TIGAR: variants seen among roughly 807,000 people sequenced by gnomAD.
TIGAR encodes the protein TP53 induced glycolysis regulatory phosphatase.
A neutral mutation model predicts 17.9 loss-of-function variants in TIGAR; 7 were observed. The observed-to-expected ratio is 0.39, with a 90% CI of 0.22 to 0.73. The LOEUF is 0.73. Among genes scored for constraint, TIGAR ranks in the 30% least tolerant of loss-of-function variants. The probability of loss-of-function intolerance (pLI) is 0.42; values close to 1 mark genes in which losing one functional copy is unlikely to be tolerated. For missense variants in TIGAR, 258 were observed against 327.4 expected (o/e 0.79, Z 1.64); for synonymous variants, 94 against 108.6 (o/e 0.87, Z 0.84).
In TIGAR at chr12:4,357,106, C is replaced by T. The variant is rs1864912780; in HGVS notation, c.*4415C>T. Among the ~76,000 whole-genome samples the T allele has an allele frequency of 1.3e-5, 2 of 152,322 alleles. No individual in the cohort carries two copies. Among genetic ancestry groups the T allele is most frequent in the South Asian group, 4.1e-4 (2 of 4,832 alleles). On this transcript the variant is annotated 3_prime_UTR_variant, in exon 6 of 6. Transcript: ENST00000179259. ...GGGAAGCACATAAAGTAAGATATCC[C>T]TGAGAGAACAGTGCATCTCACACCC...
At chr12:4,323,280 GA>G (rs1385315508) in intron 1 of TIGAR, among the ~76,000 whole-genome samples, 1 of 151,188 alleles carries the variant, frequency 6.6e-6, no homozygotes, top group African/African-American at 2.4e-5. Context: ...GTCTCAAAAA[GA>G]AAAAAAAGAA....
chr12:4,344,845 A>C (rs929531132), intron 3 of TIGAR, among the ~76,000 whole-genome samples: 1 of 152,228 alleles, frequency 6.6e-6, no homozygotes. Flanking sequence ...TGCAGATGAC[A>C]TGATTGTATA....
At chr12:4,323,013 C>T (rs190407876) in intron 1 of TIGAR, among the ~76,000 whole-genome samples, 7 of 151,912 alleles carry the variant, frequency 4.6e-5, no homozygotes, top group Non-Finnish European at 1.0e-4. Flanking sequence ...CCCCTGTAAT[C>T]CTAGCACGTT....
chr12:4,327,424 AAAAG>A (rs1397349196), intron 1 of TIGAR, among the ~76,000 whole-genome samples: 12 of 152,106 alleles, frequency 7.9e-5, no homozygotes, highest in African/African-American at 1.2e-4. Context: ...AAAAAAAAAA[AAAAG>A]AAAGAAAGGA....
intron 3 of TIGAR, among the ~76,000 whole-genome samples, chr12:4,347,951 CATAG>C (rs1250453786): frequency 6.6e-6 from 1 of 152,028 alleles, no homozygotes; most frequent in East Asian, 1.9e-4. Context: ...GCCTGGGCAA[CATAG>C]GGAGACCTTG....
intron 3 of TIGAR, among the ~76,000 whole-genome samples, chr12:4,343,582 A>C (rs957501876): frequency 1.3e-5 from 2 of 151,738 alleles, no homozygotes; most frequent in African/African-American, 4.8e-5. Context: ...AAGAAACTCA[A>C]AGCCACTCAA....
chr12:4,357,194 C>T lies in TIGAR; in HGVS notation c.*4503C>T, dbSNP rs1827149706. 6.6e-6 allele frequency among the ~76,000 whole-genome samples: 1 copy of T among 152,150 alleles called. No individual in the cohort carries two copies. The highest frequency in any genetic ancestry group is 6.5e-5 in the Admixed American group (1 of 15,282). ...TGGCCATATCACTTAAGTACATATG[C>T]TTATATTATGTATACTTGCATGCAT... On this transcript the variant is annotated 3_prime_UTR_variant, in exon 6 of 6. Coordinates refer to ENST00000179259, the MANE Select transcript of TIGAR (RefSeq NM_020375.3).
chr12:4,324,154 CATT>C (rs1175133984), intron 1 of TIGAR, among the ~76,000 whole-genome samples: 2 of 152,170 alleles, frequency 1.3e-5, no homozygotes, highest in South Asian at 2.1e-4. Flanking sequence ...AGTCTATCAT[CATT>C]GTCAGACTAT....
chr12:4,357,506 T>TA lies in TIGAR; in HGVS notation c.*4816dup, dbSNP rs1864917722. Among the ~76,000 whole-genome samples, 1 of 152,208 alleles carries TA rather than the reference T, an allele frequency of 6.6e-6. No homozygotes were observed. The highest frequency in any genetic ancestry group is 2.1e-4 in the South Asian group (1 of 4,830). ...CTTGTTTCATGTAAATGTTGCTTTT[T>TA]ACCCCTCTTTCTTTGGGCCCCATCA... On this transcript the variant is annotated 3_prime_UTR_variant, in exon 6 of 6. Coordinates refer to ENST00000179259, the MANE Select transcript of TIGAR (RefSeq NM_020375.3).
rs1864918804 is a variant in TIGAR at position 4,357,569 on chromosome 12, G to C, written c.*4878G>C. 6.6e-6 allele frequency among the ~76,000 whole-genome samples: 1 copy of C among 152,196 alleles called. No homozygotes were observed. Among genetic ancestry groups the C allele is most frequent in the South Asian group, 2.1e-4 (1 of 4,836 alleles). ...AGCTTTCAGATTGAAGTATGTGTCA[G>C]TTCCTTTGTGTCCAAACAAGATGGC... is the stretch of plus-strand genomic sequence containing the variant. On this transcript the variant is annotated 3_prime_UTR_variant, in exon 6 of 6. Coordinates refer to ENST00000179259, the MANE Select transcript of TIGAR (RefSeq NM_020375.3).
chr12:4,332,967 A>G (rs1254908787), intron 2 of TIGAR, among the ~76,000 whole-genome samples: 1 of 152,086 alleles, frequency 6.6e-6, no homozygotes, highest in Non-Finnish European at 1.5e-5. Context: ...TTGGAATTCT[A>G]TCCATTTTTG....
chr12:4,349,974 T>G, intron 4 of TIGAR, 78 bp downstream of exon 4: 1 of 972,470 alleles, frequency 1.0e-6, no homozygotes, highest in Non-Finnish European at 1.5e-6. Context: ...GGCTAAAAGT[T>G]AAATGCATTT....
chr12:4,324,942 C>CTTT (rs35996093), intron 1 of TIGAR: 2,464 of 190,390 alleles, frequency 0.013, 11 homozygotes, highest in Middle Eastern at 0.018. Context: ...TTTGTTTTTG[C>CTTT]TTTTTTTTTT....
At chr12:4,342,270 T>C in intron 3 of TIGAR, among the ~76,000 whole-genome samples, 1 of 152,178 alleles carries the variant, frequency 6.6e-6, no homozygotes, top group East Asian at 1.9e-4. Context: ...TTGGTGTACC[T>C]GAAAGTGACA....
chr12:4,324,652 T>C, intron 1 of TIGAR: 1 of 1,303,950 alleles, frequency 7.7e-7, no homozygotes, highest in Non-Finnish European at 1.1e-6. Flanking sequence ...CAGCGAGTTC[T>C]GTTTCCGCCG....
In TIGAR at chr12:4,336,555, C is replaced by T. The variant is rs541885876; in HGVS notation, c.71-484C>T. Among the ~76,000 whole-genome samples the T allele has an allele frequency of 8.6e-4, 130 of 151,502 alleles. 2 individuals are homozygous for T. The highest frequency in any genetic ancestry group is 1.6e-3 in the Non-Finnish European group (106 of 67,944). On this transcript the variant is annotated intron_variant, in intron 2 of 5. Transcript: ENST00000179259. The stretch of plus-strand genomic sequence containing the variant: ...GGTCCCTTCAGAGTGTCCAGCCAAC[C>T]GTTATCCTGGAAATAGAGGTTTCAA...
intron 1 of TIGAR, among the ~76,000 whole-genome samples, chr12:4,325,430 T>C (rs750132045): frequency 2.6e-5 from 4 of 152,072 alleles, no homozygotes; most frequent in Non-Finnish European, 5.9e-5. Flanking sequence ...TATAAAAGTA[T>C]AAAGATACCT....
In TIGAR at chr12:4,321,299, C is replaced by T; in HGVS notation, c.28C>T (p.Arg10Trp). Residue 10 changes from arginine to tryptophan, a missense_variant, in exon 1 of 6, where the codon CGG becomes TGG. Physicochemically the swap from Arg to Trp is moderately radical, Grantham distance 101 (BLOSUM62 -3). Transcript: ENST00000179259. This position sits in a 1 kb window ranked among gnomAD's most constrained non-coding sequence, Gnocchi z 5.2. The part of the protein sequence containing the change: MARFALTVV[R>W]HGETRFNKEK... ...GGCTCGCTTCGCTCTGACTGTTGTC[C>T]GGCAGTGAGTATGGCTGTGGCAGGA... 6.2e-7 allele frequency: 1 copy of T among 1,601,354 alleles called. No individual in the cohort carries two copies. The highest frequency in any genetic ancestry group is 8.5e-7 in the Non-Finnish European group (1 of 1,179,808).
chr12:4,328,070 G>A (rs995503382), intron 1 of TIGAR, among the ~76,000 whole-genome samples: 1 of 152,168 alleles, frequency 6.6e-6, no homozygotes, highest in Non-Finnish European at 1.5e-5. Context: ...CTATTTTCTA[G>A]ATTAAAAATG....
Sources: allele counts gnomAD v4.1 joint callset (sites outside exome capture counted in the v4.1 genomes callset), GRCh38; gene constraint gnomAD v4.1.1; non-coding constraint Gnocchi (gnomAD v3.1); transcripts MANE v1.5; gene names NCBI Gene and HGNC (gene_info 2026-07-23, HGNC 2026-07-21).